Variants in ASAP2 observed in about 807,000 individuals in gnomAD.
ASAP2 encodes the protein ArfGAP with SH3 domain, ankyrin repeat and PH domain 2, also known as arf-GAP with SH3 domain, ANK repeat and PH domain-containing protein 2.
Under a neutral mutation model 131.4 loss-of-function variants are expected in ASAP2, and 45 were observed. That is an observed-to-expected ratio of 0.34 (90% CI 0.27 to 0.44). The LOEUF (loss-of-function observed/expected upper bound fraction) is 0.44, where lower values mean the gene tolerates loss of function less well. Among genes scored for constraint, ASAP2 ranks in the 20% least tolerant of loss-of-function variants. The pLI is 1.00. For missense variants in ASAP2, 1,011 were observed against 1,297.0 expected, an observed-to-expected ratio of 0.78 and a Z score of 3.39; for synonymous variants, 510 against 503.0, an observed-to-expected ratio of 1.01 and a Z score of -0.19.
chr2:9,246,019 G>C (rs1206750515), intron 1 of ASAP2, among the ~76,000 whole-genome samples: 1 of 152,192 alleles, frequency 6.6e-6, no homozygotes, highest in African/African-American at 2.4e-5. Context: ...TCTGTGAAAA[G>C]GACAGGAGGG....
chr2:9,394,772 C>G (rs897301766), intron 24 of ASAP2, among the ~76,000 whole-genome samples: 1 of 152,192 alleles, frequency 6.6e-6, no homozygotes, highest in African/African-American at 2.4e-5. Context: ...ATTCTGCTGA[C>G]AGATTGTCAG....
intron 15 of ASAP2, among the ~76,000 whole-genome samples, chr2:9,361,039 C>A (rs1016440653): frequency 2.0e-5 from 3 of 152,156 alleles, no homozygotes; most frequent in Admixed American, 2.0e-4. Context: ...CTTGATGAAA[C>A]GATGAGGTGA....
At chr2:9,371,516 C>G (rs1241350069) in intron 16 of ASAP2, among the ~76,000 whole-genome samples, 1 of 152,232 alleles carries the variant, frequency 6.6e-6, no homozygotes, top group African/African-American at 2.4e-5. Flanking sequence ...AAGGAATACA[C>G]TGCTTCTAGC....
chr2:9,280,103 G>C (rs1299949068), intron 2 of ASAP2, among the ~76,000 whole-genome samples: 1 of 152,230 alleles, frequency 6.6e-6, no homozygotes, highest in Non-Finnish European at 1.5e-5. Flanking sequence ...GGGCTGATGG[G>C]TTGCTCAGGG....
At chr2:9,272,019 C>T (rs1014545850) in intron 1 of ASAP2, among the ~76,000 whole-genome samples, 3 of 152,052 alleles carry the variant, frequency 2.0e-5, no homozygotes, top group South Asian at 2.1e-4. Flanking sequence ...GCAGTAAACA[C>T]GGGAGAGCAG....
At chr2:9,236,877 T>A (rs778512507) in intron 1 of ASAP2, among the ~76,000 whole-genome samples, 3 of 152,212 alleles carry the variant, frequency 2.0e-5, no homozygotes, top group Non-Finnish European at 4.4e-5. Flanking sequence ...AGGTTTCTTT[T>A]TTGAGTGAAT....
At chr2:9,397,742 ATATATATATTTTTTTTTTTTT>A (rs1221828324) in intron 24 of ASAP2, among the ~76,000 whole-genome samples, 1 of 88,858 alleles carries the variant, frequency 1.1e-5, no homozygotes, top group African/African-American at 8.7e-5. Flanking sequence ...ATATATATAT[ATATATATATTTTTTTTTTTTT>A]TTTTTTTTTT....
chr2:9,395,583 G>GTTTTTTTTTTTTTTTTTTTTTTTTT (rs1572632646), intron 24 of ASAP2, among the ~76,000 whole-genome samples: 1 of 103,938 alleles, frequency 9.6e-6, no homozygotes, highest in Admixed American at 9.8e-5. Context: ...TGTTTTTCTT[G>GTTTTTTTTTTTTTTTTTTTTTTTTT]TGTTTTTTTT....
chr2:9,334,896 C>T lies in ASAP2; in HGVS notation c.762+83C>T, dbSNP rs150338897. 20 of 1,502,944 alleles carry T rather than the reference C, an allele frequency of 1.3e-5. No individual in the cohort carries two copies. In the East Asian group the frequency reaches 4.5e-4, roughly 34 times the overall value. The allele number at this position is 1,502,944 out of a possible 1,614,324, so 93.1% of individuals were successfully genotyped here. On this transcript the variant is annotated intron_variant, in intron 8 of 27. Transcript: ENST00000281419. ...ATCTAAATGTCACTTCTGTGTAATC[C>T]TGTGTTTTCATGCCGTGCCGCCCAC...
At chr2:9,301,769 T>C (rs906103231) in intron 3 of ASAP2, among the ~76,000 whole-genome samples, 57 of 151,610 alleles carry the variant, frequency 3.8e-4, no homozygotes, top group Non-Finnish European at 6.9e-4. Flanking sequence ...CCCTCACCCA[T>C]GTTGATAGAG....
At chr2:9,340,742 C>G (rs1204233414) in intron 9 of ASAP2, among the ~76,000 whole-genome samples, 5 of 152,206 alleles carry the variant, frequency 3.3e-5, no homozygotes, top group African/African-American at 1.2e-4. Context: ...TTTAAGCTAT[C>G]CTAGAGTCTT....
At chr2:9,303,074 A>G (rs1178243093) in intron 3 of ASAP2, among the ~76,000 whole-genome samples, 3 of 152,204 alleles carry the variant, frequency 2.0e-5, no homozygotes, top group Admixed American at 6.5e-5. Context: ...CAGTACTTCC[A>G]TAGACTTTCT....
At chr2:9,269,743 G>A (rs1029881402) in intron 1 of ASAP2, among the ~76,000 whole-genome samples, 2 of 152,220 alleles carry the variant, frequency 1.3e-5, no homozygotes, top group African/African-American at 4.8e-5. Flanking sequence ...AAGGCCTGAG[G>A]AACTGAATTT....
intron 6 of ASAP2, among the ~76,000 whole-genome samples, chr2:9,323,935 G>A (rs1266078944): frequency 1.3e-5 from 2 of 152,220 alleles, no homozygotes; most frequent in Non-Finnish European, 2.9e-5. Flanking sequence ...TGCTTGCCAG[G>A]TACGTGTATA....
intron 14 of ASAP2, 101 bp downstream of exon 14, chr2:9,356,446 A>ATT: frequency 7.5e-7 from 1 of 1,326,088 alleles, no homozygotes; most frequent in Non-Finnish European, 1.0e-6. Flanking sequence ...TTCAAACACG[A>ATT]AATTAAGTGC....
chr2:9,361,847 G>A (rs1209475051), intron 15 of ASAP2, among the ~76,000 whole-genome samples: 1 of 152,164 alleles, frequency 6.6e-6, no homozygotes, highest in African/African-American at 2.4e-5. Context: ...TTACAGGTGT[G>A]AGCCACTGCG....
intron 15 of ASAP2, among the ~76,000 whole-genome samples, chr2:9,363,327 G>A (rs2148671802): frequency 6.6e-6 from 1 of 152,170 alleles, no homozygotes; most frequent in South Asian, 2.1e-4. Flanking sequence ...TGGGTTATAT[G>A]GTGGTTCTAG....
intron 18 of ASAP2, 118 bp from the exon 19 acceptor site, chr2:9,378,826 G>A (rs959681192): frequency 3.7e-5 from 22 of 600,388 alleles, no homozygotes; most frequent in Non-Finnish European, 4.8e-5. Flanking sequence ...TACAGAAACC[G>A]TTCACTCGGG....
intron 6 of ASAP2, among the ~76,000 whole-genome samples, chr2:9,325,842 G>T (rs1460115694): frequency 2.0e-5 from 3 of 152,158 alleles, no homozygotes; most frequent in Non-Finnish European, 4.4e-5. Flanking sequence ...GCACTTGGAG[G>T]GGTCAGGCAC....
Sources: allele counts gnomAD v4.1 joint callset (sites outside exome capture counted in the v4.1 genomes callset), GRCh38; gene constraint gnomAD v4.1.1; transcripts MANE v1.5; gene names NCBI Gene and HGNC (gene_info 2026-07-23, HGNC 2026-07-21).